SHANK1: variants seen among roughly 807,000 people sequenced by gnomAD.
SHANK1 encodes SH3 and multiple ankyrin repeat domains protein 1.
A neutral mutation model predicts 165.6 loss-of-function variants in SHANK1; 35 were observed. The ratio of observed to expected loss-of-function variants is 0.21; its 90% CI spans 0.16 to 0.28. SHANK1 has a LOEUF of 0.28. Ranked by LOEUF, SHANK1 falls within the 10% of genes least tolerant of loss-of-function variation. The pLI is 1.00. For synonymous variants in SHANK1, 1,428 were observed against 1,384.8 expected, an observed-to-expected ratio of 1.03 and a Z score of -0.69; for missense variants, 2,681 against 3,036.4, an observed-to-expected ratio of 0.88 and a Z score of 2.75.
Position 50,666,645 on chromosome 19 carries a change from G to A in SHANK1, c.5315C>T (p.Pro1772Leu). Residue 1772 changes from proline (P) to leucine (L), a missense_variant, in exon 23 of 24, where the codon CCC (proline) becomes CTC (leucine). Physicochemically the swap from Pro to Leu is moderately conservative, Grantham distance 98 (BLOSUM62 -3). Transcript: ENST00000293441. ...LGASGGLRPG[P>L]SGGLRDPVTP... ...AACAGGGTCTCGGAGTCCCCCGCTG[G>A]GGCCAGGCCGCAGGCCTCCGCTGGC... The A allele has an allele frequency of 1.3e-6, 2 of 1,594,070 alleles. No individual in the cohort carries two copies. The highest frequency in any genetic ancestry group is 1.7e-6 in the Non-Finnish European group (2 of 1,173,536).
In SHANK1 at chr19:50,688,084, C is replaced by T. The variant is rs1986417844; in HGVS notation, c.2173-26G>A. The T allele has an allele frequency of 1.2e-6, 2 of 1,613,332 alleles. No individual in the cohort carries two copies. The highest frequency in any genetic ancestry group is 2.2e-5 in the East Asian group (1 of 44,850). On this transcript the variant is annotated intron_variant, in intron 17 of 23. Coordinates refer to ENST00000293441, the MANE Select transcript of SHANK1 (RefSeq NM_016148.5). The surrounding 1 kb of genome is among the most constrained non-coding windows in gnomAD (Gnocchi z 6.7). ...CTGTGGCACAGACACCCCCAGATCA[C>T]ACAGAGTAGACGAGGGGAGGGGTGC... is the stretch of plus-strand genomic sequence containing the variant.
intron 1 of SHANK1, among the ~76,000 whole-genome samples, chr19:50,719,026 G>A (rs1444567115): frequency 2.6e-5 from 4 of 151,840 alleles, no homozygotes; most frequent in Non-Finnish European, 5.9e-5. Context: ...GTGGGGACCA[G>A]GGTGACCTGG....
chr19:50,702,329 G>A lies in SHANK1; in HGVS notation c.1747+138C>T. The A allele has an allele frequency of 1.4e-6, 1 of 700,418 alleles. No homozygotes were observed. The allele number at this position is 700,418 out of a possible 1,614,324, so 43.4% of individuals were successfully genotyped here. A position where few individuals can be genotyped will look rare whatever the true frequency, so the allele number is the denominator to read the frequency against. ...TCTATGGTCCTCCAAGCCTCAAGGG[G>A]TGTCCTGGGGCTCTCTGAGGTCTCC... is the stretch of plus-strand genomic sequence containing the variant. On this transcript the variant is annotated intron_variant, in intron 12 of 23. Coordinates refer to ENST00000293441, the MANE Select transcript of SHANK1 (RefSeq NM_016148.5). The surrounding 1 kb of genome is among the most constrained non-coding windows in gnomAD (Gnocchi z 5.3).
chr19:50,687,012 C>T, intron 19 of SHANK1, 200 bp from the exon 20 acceptor site: 1 of 1,485,004 alleles, frequency 6.7e-7, no homozygotes, highest in East Asian at 2.7e-5. Flanking sequence ...CCTGTGCCCA[C>T]TCACCACTCT....
At position 50,713,980 on chromosome 19, in the gene SHANK1, G is replaced by T; in HGVS notation, c.641-31C>A. The T allele has an allele frequency of 6.2e-7, 1 of 1,612,030 alleles. No individual in the cohort carries two copies. ...GGGCGGGAAAAGCTGGTCACATGAA[G>T]CCCCTTCTCCTCCCCTCCATCCCTT... is the stretch of plus-strand genomic sequence containing the variant. On this transcript the variant is annotated intron_variant, in intron 5 of 23. Coordinates refer to ENST00000293441, the MANE Select transcript of SHANK1 (RefSeq NM_016148.5). This position sits in a 1 kb window ranked among gnomAD's most constrained non-coding sequence, Gnocchi z 6.2.
intron 12 of SHANK1, among the ~76,000 whole-genome samples, chr19:50,701,424 C>T (rs1396515347): frequency 6.6e-6 from 1 of 150,672 alleles, no homozygotes; most frequent in African/African-American, 2.4e-5. Flanking sequence ...AACTCCTGAT[C>T]TCAGGTGATC....
Position 50,718,230 on chromosome 19 carries a change from C to G in SHANK1, c.-44+1176G>C, listed in dbSNP as rs140703134. ...ACCCAGGGCCGGCGGACCCCTCCCC[C>G]ACGCGCGGCAGCGCTGCGAAGCCCC... On this transcript the variant is annotated intron_variant, in intron 1 of 23. Coordinates refer to ENST00000293441, the MANE Select transcript of SHANK1 (RefSeq NM_016148.5). This position sits in a 1 kb window ranked among gnomAD's most constrained non-coding sequence, Gnocchi z 5.1. Among the ~76,000 whole-genome samples the G allele has an allele frequency of 6.6e-6, 1 of 152,148 alleles. No homozygotes were observed. Among genetic ancestry groups the G allele is most frequent in the South Asian group, 2.1e-4 (1 of 4,830 alleles).
chr19:50,701,604 T>C (rs996980941), intron 12 of SHANK1, among the ~76,000 whole-genome samples: 1 of 152,104 alleles, frequency 6.6e-6, no homozygotes, highest in African/African-American at 2.4e-5. Flanking sequence ...ATGAAGAAAC[T>C]GAGGCCCAGA....
rs777187199 is a variant in SHANK1 at position 50,688,806 on chromosome 19, T to C, written c.2172+38A>G. The C allele has an allele frequency of 1.9e-6, 3 of 1,590,232 alleles. No homozygotes were observed. The highest frequency in any genetic ancestry group is 2.6e-6 in the Non-Finnish European group (3 of 1,166,584). On this transcript the variant is annotated intron_variant, in intron 17 of 23. Transcript: ENST00000293441. The surrounding 1 kb of genome is among the most constrained non-coding windows in gnomAD (Gnocchi z 6.7). The stretch of plus-strand genomic sequence containing the variant: ...AATCATGAGGGGGTCTGGGAACTTG[T>C]CACAGGGTCCCAGGGAAGAGAGGGG...
chr19:50,667,573 C>A lies in SHANK1; in HGVS notation c.4387G>T (p.Gly1463Trp). 1 of 1,445,942 alleles carries A rather than the reference C, an allele frequency of 6.9e-7. No individual in the cohort carries two copies. The highest frequency in any genetic ancestry group is 2.6e-5 in the East Asian group (1 of 38,406). The allele number at this position is 1,445,942 out of a possible 1,614,324, so 89.6% of individuals were successfully genotyped here. The change falls in exon 23 of 24, where the codon GGG becomes TGG. Residue 1463 changes from glycine (G) to tryptophan (W), a missense_variant. Gly to Trp is a radical substitution (Grantham distance 184). This residue lies in a region of SHANK1 where 1,713 missense variants were observed against 1,630.2 expected (regional missense o/e 1.05). Transcript: ENST00000293441. The surrounding 1 kb of genome is among the most constrained non-coding windows in gnomAD (Gnocchi z 5.7). ...GGGTGCGGGGCCGGGGGCTCCGTCC[C>A]CAGCTGCAGCAGGAGGGGCCCCACC... Reference protein sequence around the residue: ...PGVGPLLLQLGTEPPAPHPGV... With the variant: ...PGVGPLLLQLWTEPPAPHPGV...
rs1424103647 is a variant in SHANK1, at chr19:50,683,528, T to C, written c.2577+2709A>G. Among the ~76,000 whole-genome samples, 5 of 152,270 alleles carry C rather than the reference T, an allele frequency of 3.3e-5. No individual in the cohort carries two copies. The East Asian group carries it at 9.6e-4, about 29-fold the overall frequency. Reference sequence around the variant, plus strand: ...TTCTCTAACATACGTATTTTCTCCATAAGGCACATCACGGCCTTCTCGCAC... The same window carrying C: ...TTCTCTAACATACGTATTTTCTCCACAAGGCACATCACGGCCTTCTCGCAC... On this transcript the variant is annotated intron_variant, in intron 21 of 23. Transcript: ENST00000293441.
At position 50,686,271 on chromosome 19, in the gene SHANK1, C is replaced by A. The variant is rs1353224158; in HGVS notation, c.2543G>T (p.Gly848Val). ...AAAGAAACCTTTGGGTCGGTGTTTGCCCAGGGACGCGAGGCCACCGGGACC... is the reference window on the plus strand; with the variant it reads ...AAAGAAACCTTTGGGTCGGTGTTTGACCAGGGACGCGAGGCCACCGGGACC... The part of the protein sequence containing the change: ...SPGPGGLASL[G>V]KHRPKGFFAT... Residue 848 changes from glycine (G) to valine (V), a missense_variant, in exon 21 of 24, where the codon GGC (glycine) becomes GTC (valine). Transcript: ENST00000293441. The surrounding 1 kb of genome is among the most constrained non-coding windows in gnomAD (Gnocchi z 5.7). 6.2e-7 allele frequency: 1 copy of A among 1,606,926 alleles called. No homozygotes were observed. Among genetic ancestry groups the A allele is most frequent in the Admixed American group, 1.7e-5 (1 of 59,198 alleles).
Position 50,704,043 on chromosome 19 carries a change from C to T in SHANK1, c.1222+77G>A, listed in dbSNP as rs559444408. 1,207 of 1,451,534 alleles carry T rather than the reference C, an allele frequency of 8.3e-4. 25 individuals are homozygous for T. In the South Asian group the frequency reaches 0.012, roughly 15 times the overall value. The allele number at this position is 1,451,534 out of a possible 1,614,324, so 89.9% of individuals were successfully genotyped here. ...TCCTATCCTGGCCCCCAAGTCAGGT[C>T]CCCCAACTCCCCCATCCCACCATGA... is the stretch of plus-strand genomic sequence containing the variant. On this transcript the variant is annotated intron_variant, in intron 10 of 23. Coordinates refer to ENST00000293441, the MANE Select transcript of SHANK1 (RefSeq NM_016148.5).
In SHANK1 at chr19:50,662,190, G is replaced by A. The variant is rs1444987190; in HGVS notation, c.6261C>T (p.Asp2087=). The A allele has an allele frequency of 3.1e-6, 5 of 1,609,858 alleles. No homozygotes were observed. The highest frequency in any genetic ancestry group is 4.2e-6 in the Non-Finnish European group (5 of 1,176,854). Reference sequence around the variant, plus strand: ...CCAGAGGTTTAGCGCCAAACGGCTTGTCCGGGGGCAGCGAGAGCAGGCGGG... The same window carrying A: ...CCAGAGGTTTAGCGCCAAACGGCTTATCCGGGGGCAGCGAGAGCAGGCGGG... ...SPTRLLSLPP[D]KPFGAKPLGF... The change falls in exon 24 of 24, where the codon GAC becomes GAT. Residue 2087 remains aspartate, a synonymous_variant. Transcript: ENST00000293441. This position sits in a 1 kb window ranked among gnomAD's most constrained non-coding sequence, Gnocchi z 7.7.
In SHANK1 at chr19:50,688,752, A is replaced by G. The variant is rs560126509; in HGVS notation, c.2172+92T>C. 3 of 1,379,978 alleles carry G rather than the reference A, an allele frequency of 2.2e-6. No individual in the cohort carries two copies. The highest frequency in any genetic ancestry group is 2.9e-5 in the African/African-American group (2 of 69,630). 85.5% of individuals were successfully genotyped at this position (1,379,978 alleles called of 1,614,324 possible). A position where few individuals can be genotyped will look rare whatever the true frequency, so the allele number is the denominator to read the frequency against. The stretch of plus-strand genomic sequence containing the variant: ...CTGGGAATCCTGGTGCCAAAGGAGA[A>G]TAAAACTGGGCAGCCAGATCCTGGT... On this transcript the variant is annotated intron_variant, in intron 17 of 23. Transcript: ENST00000293441. This position sits in a 1 kb window ranked among gnomAD's most constrained non-coding sequence, Gnocchi z 6.7.
Position 50,697,952 on chromosome 19 carries a change from A to C in SHANK1, c.1752T>G (p.Leu584=). 2.5e-6 allele frequency: 4 copies of C among 1,608,770 alleles called. No homozygotes were observed. Among genetic ancestry groups the C allele is most frequent in the Non-Finnish European group, 3.4e-6 (4 of 1,175,330 alleles). ...SLSKGEKIKV[L]SIGEGGFWEG... Reference sequence around the variant, plus strand: ...CCCAGAAGCCTCCTTCCCCGATGCTAAGTACTGGATGGGGAACGGGGACAT... The same window carrying C: ...CCCAGAAGCCTCCTTCCCCGATGCTCAGTACTGGATGGGGAACGGGGACAT... Residue 584 remains leucine, a synonymous_variant, in exon 13 of 24, where the codon CTT becomes CTG. Transcript: ENST00000293441. The surrounding 1 kb of genome is among the most constrained non-coding windows in gnomAD (Gnocchi z 4.7).
At chr19:50,707,715 G>A (rs1338771455) in intron 8 of SHANK1, among the ~76,000 whole-genome samples, 4 of 151,808 alleles carry the variant, frequency 2.6e-5, no homozygotes, top group Non-Finnish European at 1.5e-5. Context: ...TATCTCCTAT[G>A]AATGGACGAC....
rs1312280787 is a variant in SHANK1 at position 50,719,000 on chromosome 19, C to A, written c.-44+406G>T. Among the ~76,000 whole-genome samples the A allele has an allele frequency of 6.6e-6, 1 of 151,534 alleles. No homozygotes were observed. Among genetic ancestry groups the A allele is most frequent in the Non-Finnish European group, 1.5e-5 (1 of 67,810 alleles). The stretch of plus-strand genomic sequence containing the variant: ...GGGGCGGAGGAGGCCCGGGCCTAGA[C>A]CCTCGCTGGAGGGGAGTGGGGACCA... On this transcript the variant is annotated intron_variant, in intron 1 of 23. Coordinates refer to ENST00000293441, the MANE Select transcript of SHANK1 (RefSeq NM_016148.5). The surrounding 1 kb of genome is among the most constrained non-coding windows in gnomAD (Gnocchi z 5.1).
At chr19:50,699,018 A>T (rs534998586) in intron 12 of SHANK1, among the ~76,000 whole-genome samples, 14 of 152,366 alleles carry the variant, frequency 9.2e-5, no homozygotes, top group Admixed American at 6.5e-4. Context: ...AATGTGGAGA[A>T]AACCCTTGCC....
Sources: gnomAD v4.1 joint callset for allele counts (sites outside exome capture counted in the v4.1 genomes callset) on GRCh38, gnomAD v4.1.1 for gene constraint, gnomAD v4.1.1 regional missense constraint, Gnocchi (gnomAD v3.1) non-coding constraint, MANE v1.5 for transcripts, NCBI Gene and HGNC (gene_info 2026-07-23, HGNC 2026-07-21) for gene names.